ZCCHC7: variants seen among roughly 807,000 people sequenced by gnomAD.
ZCCHC7 encodes the protein zinc finger CCHC-type containing 7.
A neutral mutation model predicts 52.0 loss-of-function variants in ZCCHC7; 35 were observed. That is an observed-to-expected ratio of 0.67 (90% CI 0.51 to 0.89). The LOEUF is 0.89. Ranked by LOEUF, ZCCHC7 falls within the 40% of genes least tolerant of loss-of-function variation. The pLI is 0.00. For missense variants in ZCCHC7, 574 were observed against 649.1 expected, an observed-to-expected ratio of 0.88 and a Z score of 1.26; for synonymous variants, 217 against 221.5, an observed-to-expected ratio of 0.98 and a Z score of 0.18.
intron 2 of ZCCHC7, among the ~76,000 whole-genome samples, chr9:37,266,837 G>A (rs1827128028): frequency 6.6e-6 from 1 of 152,180 alleles, no homozygotes; most frequent in Admixed American, 6.5e-5. Flanking sequence ...TTGCATCACT[G>A]CACTCCAGCC....
chr9:37,355,881 A>G (rs1821670029), intron 8 of ZCCHC7, among the ~76,000 whole-genome samples: 1 of 152,250 alleles, frequency 6.6e-6, no homozygotes, highest in Admixed American at 6.5e-5. Flanking sequence ...CAACCAAATT[A>G]GAGATTAAAA....
chr9:37,139,704 C>G (rs1433596622), intron 2 of ZCCHC7, among the ~76,000 whole-genome samples: 2 of 151,940 alleles, frequency 1.3e-5, no homozygotes, highest in Non-Finnish European at 1.5e-5. Context: ...ATTTGTACTT[C>G]CCCTCCCTCG....
At position 37,213,829 on chromosome 9, in the gene ZCCHC7, G is replaced by A. The variant is rs117543241; in HGVS notation, c.610+86887G>A. Among the ~76,000 whole-genome samples the A allele has an allele frequency of 4.0e-4, 61 of 152,134 alleles. 1 individual carries two copies. The East Asian group carries it at 0.01, about 26-fold the overall frequency. On this transcript the variant is annotated intron_variant, in intron 2 of 8. Transcript: ENST00000336755. ...ATCTTGCACATTGTTTTAAAGAAAT[G>A]GATGATAAAATCATATACTTATTTA...
intron 2 of ZCCHC7, among the ~76,000 whole-genome samples, chr9:37,185,662 A>G (rs879869367): frequency 6.6e-5 from 10 of 151,708 alleles, no homozygotes; most frequent in Non-Finnish European, 1.3e-4. Context: ...TGATTGCATC[A>G]CTCCAGTCTT....
chr9:37,188,179 C>T (rs1436551031), intron 2 of ZCCHC7, among the ~76,000 whole-genome samples: 1 of 151,976 alleles, frequency 6.6e-6, no homozygotes, highest in Non-Finnish European at 1.5e-5. Flanking sequence ...GAGACAGGGT[C>T]TCATTCTGTC....
chr9:37,340,214 C>T (rs1036028644), intron 6 of ZCCHC7, among the ~76,000 whole-genome samples: 3 of 152,022 alleles, frequency 2.0e-5, no homozygotes, highest in Non-Finnish European at 1.5e-5. Flanking sequence ...AAATCCGTGG[C>T]GTGGTAGGCT....
intron 2 of ZCCHC7, among the ~76,000 whole-genome samples, chr9:37,161,644 T>C (rs1821114293): frequency 6.6e-6 from 1 of 152,182 alleles, no homozygotes; most frequent in Non-Finnish European, 1.5e-5. Flanking sequence ...GCTCTCACTT[T>C]GTACATTAAT....
intron 2 of ZCCHC7, among the ~76,000 whole-genome samples, chr9:37,154,729 A>G (rs1410844108): frequency 6.6e-6 from 1 of 151,982 alleles, no homozygotes; most frequent in East Asian, 1.9e-4. Context: ...TCCTAGGCTC[A>G]AGCCATCTAT....
intron 2 of ZCCHC7, among the ~76,000 whole-genome samples, chr9:37,242,614 C>T (rs897154949): frequency 6.6e-6 from 1 of 151,714 alleles, no homozygotes; most frequent in African/African-American, 2.4e-5. Context: ...TCTGATAGTA[C>T]ATATTCCTGT....
rs549840334 is a variant in ZCCHC7 at position 37,341,362 on chromosome 9, G to T, written c.988-7995G>T. Among the ~76,000 whole-genome samples the T allele has an allele frequency of 2.0e-4, 30 of 152,210 alleles. 1 individual carries two copies. The South Asian group carries it at 3.9e-3, about 20-fold the overall frequency. On this transcript the variant is annotated intron_variant, in intron 6 of 8. Coordinates refer to ENST00000336755, the MANE Select transcript of ZCCHC7 (RefSeq NM_032226.3). ...TTATTAACAAGAGCTAAATCATATT[G>T]GATGATTACTGTAGGCCATGTGCTT...
At chr9:37,206,112 G>T (rs60703636) in intron 2 of ZCCHC7, among the ~76,000 whole-genome samples, 20,655 of 151,988 alleles carry the variant, frequency 0.14, 1,715 homozygotes, top group Non-Finnish European at 0.17. Context: ...ATTTTTAACA[G>T]ATATATGTCT....
At chr9:37,140,800 C>CCAGTT (rs1843187565) in intron 2 of ZCCHC7, among the ~76,000 whole-genome samples, 1 of 151,884 alleles carries the variant, frequency 6.6e-6, no homozygotes, top group Non-Finnish European at 1.5e-5. Context: ...GATTGTGCCA[C>CCAGTT]CAGTTAGGTT....
chr9:37,231,090 G>A (rs556632759), intron 2 of ZCCHC7, among the ~76,000 whole-genome samples: 13 of 152,158 alleles, frequency 8.5e-5, no homozygotes, highest in South Asian at 2.1e-4. Context: ...ACTACAGGGT[G>A]TGCACCACCA....
At chr9:37,163,402 AAAG>A (rs1821225447) in intron 2 of ZCCHC7, among the ~76,000 whole-genome samples, 4 of 150,658 alleles carry the variant, frequency 2.7e-5, no homozygotes, top group Admixed American at 6.6e-5. Context: ...AAAAAAAAAA[AAAG>A]AAAAGAAAAA....
intron 2 of ZCCHC7, among the ~76,000 whole-genome samples, chr9:37,209,581 T>C (rs1417004240): frequency 6.6e-6 from 1 of 151,566 alleles, no homozygotes; most frequent in Non-Finnish European, 1.5e-5. Context: ...TGTATACACA[T>C]GTGTGTATAT....
chr9:37,235,829 C>A (rs1825626034), intron 2 of ZCCHC7, among the ~76,000 whole-genome samples: 1 of 151,350 alleles, frequency 6.6e-6, no homozygotes, highest in Admixed American at 6.6e-5. Flanking sequence ...ACCTCGTGAT[C>A]CACCCACCTT....
At chr9:37,292,918 G>A (rs1004630653) in intron 2 of ZCCHC7, among the ~76,000 whole-genome samples, 12 of 152,190 alleles carry the variant, frequency 7.9e-5, no homozygotes, top group Admixed American at 3.3e-4. Context: ...GTAATGACTG[G>A]AAGGGGGAAC....
intron 6 of ZCCHC7, among the ~76,000 whole-genome samples, chr9:37,332,383 A>T (rs7852593): frequency 0.34 from 52,010 of 151,118 alleles, 9,312 homozygotes; most frequent in Middle Eastern, 0.41. Flanking sequence ...AGCATTGATG[A>T]CTTGTAATAG....
chr9:37,131,874 T>C (rs1195929164), intron 2 of ZCCHC7, among the ~76,000 whole-genome samples: 5 of 152,184 alleles, frequency 3.3e-5, no homozygotes, highest in Admixed American at 3.3e-4. Context: ...TATAGATATA[T>C]GATGGTGGTT....
Sources: allele counts gnomAD v4.1 joint callset (sites outside exome capture counted in the v4.1 genomes callset), GRCh38; gene constraint gnomAD v4.1.1; transcripts MANE v1.5; gene names NCBI Gene and HGNC (gene_info 2026-07-23, HGNC 2026-07-21).